The following PCDH15 variants were observed in gnomAD, a reference collection of about 807,000 sequenced individuals.
PCDH15 encodes the protein protocadherin-15.
A neutral mutation model predicts 178.5 loss-of-function variants in PCDH15; 129 were observed. The ratio of observed to expected loss-of-function variants is 0.72; its 90% confidence interval spans 0.63 to 0.84. PCDH15 has a LOEUF of 0.84. PCDH15 is among the 40% of genes least tolerant of loss of function. PCDH15 has a pLI of 0.00. For synonymous variants in PCDH15, 800 were observed against 732.0 expected (o/e 1.09, Z -1.50); for missense variants, 2,230 against 2,099.9 (o/e 1.06, Z -1.21).
intron 25 of PCDH15, among the ~76,000 whole-genome samples, chr10:53,908,235 G>C (rs750296821): frequency 3.9e-5 from 6 of 152,128 alleles, no homozygotes; most frequent in Non-Finnish European, 7.3e-5. Flanking sequence ...AACAGAACAG[G>C]CTCTTACCCC....
At chr10:54,195,544 A>C in intron 11 of PCDH15, 139 bp downstream of exon 11, 1 of 701,620 alleles carries the variant, frequency 1.4e-6, no homozygotes, top group Non-Finnish European at 2.4e-6. Flanking sequence ...TTTGGAATTA[A>C]ATTATAACAC....
chr10:54,952,785 A>T (rs1450490475), intron 2 of PCDH15, among the ~76,000 whole-genome samples: 1 of 151,510 alleles, frequency 6.6e-6, no homozygotes. Context: ...TTTATTTTTA[A>T]ATTCTAATTT....
At chr10:54,753,894 G>GTT (rs755751275) in intron 1 of PCDH15, among the ~76,000 whole-genome samples, 4,617 of 85,044 alleles carry the variant, frequency 0.054, 215 homozygotes, top group African/African-American at 0.11. Flanking sequence ...GTTTGTTTGT[G>GTT]TTTTTTTTTT....
At chr10:54,011,630 C>T (rs2092589593) in intron 20 of PCDH15, among the ~76,000 whole-genome samples, 1 of 152,192 alleles carries the variant, frequency 6.6e-6, no homozygotes, top group Non-Finnish European at 1.5e-5. Flanking sequence ...ACCTACTGGC[C>T]ATTCCAGTTA....
At chr10:54,676,265 T>C (rs933766129) in intron 1 of PCDH15, among the ~76,000 whole-genome samples, 1 of 152,102 alleles carries the variant, frequency 6.6e-6, no homozygotes, top group South Asian at 2.1e-4. Context: ...TTAAAACTTA[T>C]GGTTTATATA....
At chr10:53,851,461 G>A (rs1046042601) in intron 28 of PCDH15, among the ~76,000 whole-genome samples, 2 of 151,104 alleles carry the variant, frequency 1.3e-5, no homozygotes, top group African/African-American at 4.8e-5. Context: ...AGATACAAAT[G>A]CAAAAACTCA....
At chr10:54,306,038 T>C (rs1222715550) in intron 8 of PCDH15, among the ~76,000 whole-genome samples, 5 of 152,016 alleles carry the variant, frequency 3.3e-5, no homozygotes, top group Non-Finnish European at 7.4e-5. Flanking sequence ...ATCATAGCAC[T>C]GAAGCATGGA....
At chr10:54,521,477 T>C (rs1463093986) in intron 3 of PCDH15, among the ~76,000 whole-genome samples, 3 of 152,194 alleles carry the variant, frequency 2.0e-5, no homozygotes, top group African/African-American at 7.2e-5. Flanking sequence ...AGAAGATCAT[T>C]TTATCAAGCA....
intron 15 of PCDH15, among the ~76,000 whole-genome samples, chr10:54,132,666 A>G (rs2042535619): frequency 6.6e-6 from 1 of 152,200 alleles, no homozygotes; most frequent in African/African-American, 2.4e-5. Context: ...TTAGTTCTTC[A>G]ATTGTGGCGA....
chr10:54,488,426 T>C (rs189860526), intron 3 of PCDH15, among the ~76,000 whole-genome samples: 1 of 151,842 alleles, frequency 6.6e-6, no homozygotes, highest in East Asian at 1.9e-4. Context: ...GAAAATGTCT[T>C]AATGTTTGCC....
chr10:54,667,969 C>A (rs1032301953), intron 1 of PCDH15, among the ~76,000 whole-genome samples: 3 of 151,952 alleles, frequency 2.0e-5, no homozygotes, highest in Non-Finnish European at 4.4e-5. Context: ...GGTTTGCATT[C>A]CATGTGCATT....
intron 2 of PCDH15, among the ~76,000 whole-genome samples, chr10:54,611,929 T>A (rs2092973110): frequency 6.6e-6 from 1 of 151,830 alleles, no homozygotes; most frequent in Admixed American, 6.6e-5. Flanking sequence ...TTCATGTTGT[T>A]CCTCTTCTAT....
chr10:54,780,167 A>G (rs1470204821), intron 1 of PCDH15, among the ~76,000 whole-genome samples: 7 of 152,160 alleles, frequency 4.6e-5, no homozygotes, highest in Admixed American at 4.6e-4. Context: ...TGCCACACAT[A>G]AGTTCTAGGG....
At chr10:53,825,186 A>T (rs2076596624) in intron 32 of PCDH15, 5 of 1,517,090 alleles carry the variant, frequency 3.3e-6, no homozygotes, top group African/African-American at 1.4e-5. Flanking sequence ...GATAGAAAAA[A>T]AGAAGTTTTT....
chr10:54,050,732 C>T (rs1268801217), intron 18 of PCDH15, among the ~76,000 whole-genome samples: 2 of 152,064 alleles, frequency 1.3e-5, no homozygotes, highest in African/African-American at 2.4e-5. Flanking sequence ...CCTCTTAATG[C>T]TACTTTTGCT....
intron 1 of PCDH15, among the ~76,000 whole-genome samples, chr10:54,716,928 CA>C (rs1460870079): frequency 6.8e-6 from 1 of 146,934 alleles, no homozygotes; most frequent in Non-Finnish European, 1.5e-5. Context: ...ATCAATGGAA[CA>C]GAACAGAGCC....
At chr10:55,415,809 T>A (rs1838466408) in intron 2 of PCDH15, among the ~76,000 whole-genome samples, 1 of 151,768 alleles carries the variant, frequency 6.6e-6, no homozygotes, top group South Asian at 2.1e-4. Flanking sequence ...ATGGGAAGAC[T>A]GAGGTACCCA....
chr10:53,936,783 AT>A (rs2085614898), intron 25 of PCDH15, among the ~76,000 whole-genome samples: 1 of 152,084 alleles, frequency 6.6e-6, no homozygotes, highest in Non-Finnish European at 1.5e-5. Flanking sequence ...TACACTTCTG[AT>A]TTTTATTATC....
chr10:54,059,098 C>CT (rs1164036296), intron 18 of PCDH15, among the ~76,000 whole-genome samples: 1 of 152,178 alleles, frequency 6.6e-6, no homozygotes, highest in Non-Finnish European at 1.5e-5. Flanking sequence ...AGTCTACTCT[C>CT]TATTTCCATG....
Sources: gnomAD v4.1 joint callset for allele counts (sites outside exome capture counted in the v4.1 genomes callset) on GRCh38, gnomAD v4.1.1 for gene constraint, MANE v1.5 for transcripts, NCBI Gene and HGNC (gene_info 2026-07-23, HGNC 2026-07-21) for gene names.